The following TMC7 variants were observed in gnomAD, a reference collection of about 807,000 sequenced individuals.
The protein encoded by TMC7 is transmembrane channel-like protein 7.
Under a neutral mutation model 82.9 loss-of-function variants are expected in TMC7, and 54 were observed. That is an observed-to-expected ratio of 0.65 (90% CI 0.52 to 0.82). TMC7 has a LOEUF of 0.82. Among genes scored for constraint, TMC7 ranks in the 40% least tolerant of loss-of-function variants. The pLI, the probability that TMC7 is intolerant of heterozygous loss-of-function variation, is 0.00. For missense variants in TMC7, 820 were observed against 901.2 expected, an observed-to-expected ratio of 0.91 and a Z score of 1.15; for synonymous variants, 350 against 337.9, an observed-to-expected ratio of 1.04 and a Z score of -0.39.
At chr16:18,996,422 A>C (rs935053628) in intron 1 of TMC7, among the ~76,000 whole-genome samples, 1 of 152,072 alleles carries the variant, frequency 6.6e-6, no homozygotes, top group Non-Finnish European at 1.5e-5. Context: ...AATTATCTAG[A>C]TCTTGTAGGA....
chr16:18,991,186 T>G (rs2038944730), intron 1 of TMC7, among the ~76,000 whole-genome samples: 1 of 152,102 alleles, frequency 6.6e-6, no homozygotes, highest in South Asian at 2.1e-4. Context: ...TGTGGGGTTG[T>G]TAGAAGGAGC....
In TMC7 at chr16:19,040,325, A is replaced by G. The variant is rs372654268; in HGVS notation, c.1216A>G (p.Ile406Val). The G allele has an allele frequency of 6.2e-7, 1 of 1,613,772 alleles. No individual in the cohort carries two copies. The highest frequency in any genetic ancestry group is 8.5e-7 in the Non-Finnish European group (1 of 1,180,010). The change falls in exon 9 of 16, where the codon ATA (isoleucine) becomes GTA (valine). Residue 406 changes from isoleucine to valine, a missense_variant. Physicochemically the swap from Ile to Val is conservative, Grantham distance 29 (BLOSUM62 3). Transcript: ENST00000304381. ...DKMVFGENLFILYLPSIVITL... is the reference protein window; with the variant it reads ...DKMVFGENLFVLYLPSIVITL... ...GATGGTTTTTGGAGAGAACCTCTTC[A>G]TATTGTATCTACCGTCTATTGTGAT...
intron 9 of TMC7, 87 bp downstream of exon 9, chr16:19,040,533 T>G: frequency 7.9e-7 from 1 of 1,263,978 alleles, no homozygotes. Context: ...GCTAATCAAT[T>G]GTAGTGCATT....
chr16:18,998,412 T>C (rs966880276), intron 1 of TMC7, among the ~76,000 whole-genome samples: 35 of 152,124 alleles, frequency 2.3e-4, no homozygotes, highest in Non-Finnish European at 2.9e-5. Context: ...CAGACAGAAT[T>C]GCAGTAACTG....
chr16:19,011,893 G>T (rs555934146), intron 2 of TMC7, among the ~76,000 whole-genome samples: 2 of 152,250 alleles, frequency 1.3e-5, no homozygotes, highest in African/African-American at 4.8e-5. Flanking sequence ...TGTAGTCCCA[G>T]CACTTTGGGA....
chr16:18,987,173 G>A (rs549008561), intron 1 of TMC7, among the ~76,000 whole-genome samples: 5 of 152,234 alleles, frequency 3.3e-5, no homozygotes, highest in African/African-American at 1.2e-4. Flanking sequence ...CAGACCTCTG[G>A]GGCGGTCTAT....
At chr16:19,020,926 T>C (rs1396915970) in intron 3 of TMC7, among the ~76,000 whole-genome samples, 1 of 151,842 alleles carries the variant, frequency 6.6e-6, no homozygotes, top group Non-Finnish European at 1.5e-5. Context: ...TAAAGAATCA[T>C]ATGCAATAAT....
chr16:18,988,848 A>G (rs1306024896), intron 1 of TMC7, among the ~76,000 whole-genome samples: 2 of 152,104 alleles, frequency 1.3e-5, no homozygotes, highest in Admixed American at 1.3e-4. Context: ...TCAGGAGTTC[A>G]AGACCAGCCT....
intron 6 of TMC7, among the ~76,000 whole-genome samples, chr16:19,034,131 C>A (rs2142247927): frequency 6.6e-6 from 1 of 152,282 alleles, no homozygotes; most frequent in African/African-American, 2.4e-5. Context: ...GTCATTTATT[C>A]ATTGCTTTAT....
At chr16:19,026,013 C>T (rs886550746) in intron 5 of TMC7, among the ~76,000 whole-genome samples, 1 of 151,834 alleles carries the variant, frequency 6.6e-6, no homozygotes, top group Non-Finnish European at 1.5e-5. Flanking sequence ...TGAGCTCAAG[C>T]AATCCACCTG....
At chr16:19,001,301 G>A (rs1285607411) in intron 1 of TMC7, among the ~76,000 whole-genome samples, 2 of 152,094 alleles carry the variant, frequency 1.3e-5, no homozygotes, top group Non-Finnish European at 2.9e-5. Flanking sequence ...CTAGACCCTG[G>A]TAATTCAGCA....
intron 3 of TMC7, among the ~76,000 whole-genome samples, chr16:19,019,944 T>G (rs1959884242): frequency 6.6e-6 from 1 of 152,208 alleles, no homozygotes; most frequent in Admixed American, 6.6e-5. Flanking sequence ...CGGTCTCCAG[T>G]AATAAGTTCT....
intron 9 of TMC7, 105 bp from the exon 10 acceptor site, chr16:19,044,768 CAAAAAAAAAAA>C (rs1165792461): frequency 1.7e-5 from 5 of 292,008 alleles, no homozygotes; most frequent in Non-Finnish European, 3.0e-5. Context: ...CACTCCATCT[CAAAAAAAAAAA>C]AAAAAAAAAA....
chr16:19,032,059 C>T (rs975032886), intron 6 of TMC7, among the ~76,000 whole-genome samples: 2 of 152,184 alleles, frequency 1.3e-5, no homozygotes, highest in African/African-American at 4.8e-5. Context: ...TTTTGATGGA[C>T]AGCTTGCCAT....
chr16:19,025,387 G>A (rs2142220922), intron 5 of TMC7, among the ~76,000 whole-genome samples: 1 of 152,258 alleles, frequency 6.6e-6, no homozygotes, highest in Non-Finnish European at 1.5e-5. Flanking sequence ...GAGAGGCCAA[G>A]GCGGGCAGAT....
intron 14 of TMC7, among the ~76,000 whole-genome samples, chr16:19,057,550 T>C (rs897420658): frequency 3.3e-5 from 5 of 152,182 alleles, no homozygotes; most frequent in Non-Finnish European, 7.3e-5. Flanking sequence ...TTTGATGAGA[T>C]TAATACAATG....
chr16:19,044,768 CAAAAAAAA>C (rs1165792461), intron 9 of TMC7, 108 bp from the exon 10 acceptor site: 73 of 291,966 alleles, frequency 2.5e-4, no homozygotes, highest in African/African-American at 1.6e-3. Context: ...CACTCCATCT[CAAAAAAAA>C]AAAAAAAAAA....
rs1271059311 is a variant in TMC7 at position 19,011,178 on chromosome 16, CCTAA to C, written c.311+1766_311+1769del. On this transcript the variant is annotated intron_variant, in intron 2 of 15. Transcript: ENST00000304381. Reference sequence around the variant, plus strand: ...GAGAGAATTTAGCCACATGGTCATACCTAACTGCCAGGAAGGCTGGGAAGTGTCT... The same window carrying C: ...GAGAGAATTTAGCCACATGGTCATACCTGCCAGGAAGGCTGGGAAGTGTCT... 4.7e-4 allele frequency among the ~76,000 whole-genome samples: 72 copies of C among 152,182 alleles called. 1 individual carries two copies. Among genetic ancestry groups the C allele is most frequent in the Admixed American group, 8.5e-4 (13 of 15,256 alleles).
intron 2 of TMC7, among the ~76,000 whole-genome samples, chr16:19,011,033 G>C (rs902608067): frequency 2.0e-4 from 31 of 152,288 alleles, no homozygotes; most frequent in African/African-American, 7.5e-4. Flanking sequence ...AATGAGAAGA[G>C]CTGTAAAGTC....
Sources: gnomAD v4.1 joint callset for allele counts (sites outside exome capture counted in the v4.1 genomes callset) on GRCh38, gnomAD v4.1.1 for gene constraint, MANE v1.5 for transcripts, NCBI Gene and HGNC (gene_info 2026-07-23, HGNC 2026-07-21) for gene names.